PTCD2: variants seen among roughly 807,000 people sequenced by gnomAD.
The protein encoded by PTCD2 is pentatricopeptide repeat domain 2, also known as pentatricopeptide repeat-containing protein 2, mitochondrial.
A neutral mutation model predicts 42.6 loss-of-function variants in PTCD2; 31 were observed. The observed-to-expected ratio is 0.73, with a 90% CI of 0.55 to 0.98. The LOEUF (loss-of-function observed/expected upper bound fraction) is 0.98, where lower values mean the gene tolerates loss of function less well. Ranked by LOEUF, PTCD2 falls within the 50% of genes least tolerant of loss-of-function variation. PTCD2 has a pLI of 0.00. For missense variants in PTCD2, 476 were observed against 454.8 expected (o/e 1.05, Z -0.42); for synonymous variants, 183 against 170.9 (o/e 1.07, Z -0.55).
At chr5:72,333,152 A>G (rs957455787) in intron 4 of PTCD2, among the ~76,000 whole-genome samples, 2 of 152,120 alleles carry the variant, frequency 1.3e-5, no homozygotes, top group Non-Finnish European at 2.9e-5. Flanking sequence ...TAGGGGGCCC[A>G]TTGTGCCATC....
At chr5:72,341,929 C>G (rs1378566329) in intron 7 of PTCD2, among the ~76,000 whole-genome samples, 4 of 151,682 alleles carry the variant, frequency 2.6e-5, no homozygotes, top group African/African-American at 4.8e-5. Context: ...CCTGTAGTCC[C>G]AGCTACTCTG....
intron 9 of PTCD2, among the ~76,000 whole-genome samples, chr5:72,357,686 T>G (rs1752944971): frequency 6.6e-6 from 1 of 152,182 alleles, no homozygotes; most frequent in African/African-American, 2.4e-5. Flanking sequence ...GTGTGTTTCA[T>G]TATATATGAT....
rs1753220119 is a variant in PTCD2, at chr5:72,367,002, G to A, written c.*8575G>A. The A allele has an allele frequency of 6.6e-6, 1 of 152,230 alleles. No homozygotes were observed. Among genetic ancestry groups the A allele is most frequent in the African/African-American group, 2.4e-5 (1 of 41,458 alleles). 9.4% of individuals were successfully genotyped at this position (152,230 alleles called of 1,614,324 possible). Reference sequence around the variant, plus strand: ...CTTTATTAACTAAAATCACATTTGTGTGTGAAAGAAGTAAAAAGGAATTAG... The same window carrying A: ...CTTTATTAACTAAAATCACATTTGTATGTGAAAGAAGTAAAAAGGAATTAG... On this transcript the variant is annotated 3_prime_UTR_variant, in exon 10 of 10. Transcript: ENST00000380639.
chr5:72,354,382 G>GAAAA lies in PTCD2; in HGVS notation c.942+1651_942+1654dup, dbSNP rs35170727. Among the ~76,000 whole-genome samples, 17 of 29,808 alleles carry GAAAA rather than the reference G, an allele frequency of 5.7e-4. 3 individuals carry two copies. The highest frequency in any genetic ancestry group is 1.2e-3 in the African/African-American group (8 of 6,576). 19.6% of individuals were successfully genotyped at this position (29,808 alleles called of 152,430 possible). ...CTGGCGACAGAATGAGACTCCATCT[G>GAAAA]AAAAAAAAAAAAAAAAAAAAAAAAA... is the stretch of plus-strand genomic sequence containing the variant. On this transcript the variant is annotated intron_variant, in intron 9 of 9. Transcript: ENST00000380639.
rs912312898 is a variant in PTCD2 at position 72,365,675 on chromosome 5, A to G, written c.*7248A>G. 2.0e-5 allele frequency: 3 copies of G among 152,182 alleles called. No homozygotes were observed. Among genetic ancestry groups the G allele is most frequent in the African/African-American group, 7.2e-5 (3 of 41,438 alleles). 9.4% of individuals were successfully genotyped at this position (152,182 alleles called of 1,614,324 possible). On this transcript the variant is annotated 3_prime_UTR_variant, in exon 10 of 10. Transcript: ENST00000380639. ...TACTGGGTTGATGTCAGGTAGGGTG[A>G]GGAGTATGTTCCGGTTATAGCTGGT...
chr5:72,359,260 C>T lies in PTCD2; in HGVS notation c.*833C>T, dbSNP rs1288481942. On this transcript the variant is annotated 3_prime_UTR_variant, in exon 10 of 10. Transcript: ENST00000380639. Reference sequence around the variant, plus strand: ...TCTTATTTGTTAATGATTTTTCTCTCTTGAATGCCTCATATTAAAAAAAAA... The same window carrying T: ...TCTTATTTGTTAATGATTTTTCTCTTTTGAATGCCTCATATTAAAAAAAAA... 2 of 152,148 alleles carry T rather than the reference C, an allele frequency of 1.3e-5. No homozygotes were observed. Among genetic ancestry groups the T allele is most frequent in the African/African-American group, 2.4e-5 (1 of 41,434 alleles). 9.4% of individuals were successfully genotyped at this position (152,148 alleles called of 1,614,324 possible).
chr5:72,335,455 C>CAA (rs11397039), intron 5 of PTCD2: 1,971 of 121,824 alleles, frequency 0.016, 23 homozygotes, highest in Non-Finnish European at 0.018. Flanking sequence ...GACTCCGTCT[C>CAA]AAAAAAAAAA....
intron 9 of PTCD2, among the ~76,000 whole-genome samples, 171 bp downstream of exon 9, chr5:72,352,925 T>C (rs1036052192): frequency 6.6e-6 from 1 of 152,210 alleles, no homozygotes; most frequent in South Asian, 2.1e-4. Context: ...TTTTTTTTCT[T>C]CCAACAGAAT....
At position 72,358,694 on chromosome 5, in the gene PTCD2, C is replaced by T. The variant is rs1296724340; in HGVS notation, c.*267C>T. The T allele has an allele frequency of 2.1e-5, 10 of 479,276 alleles. No individual in the cohort carries two copies. Among genetic ancestry groups the T allele is most frequent in the Middle Eastern group, 5.6e-4 (1 of 1,792 alleles). The allele number at this position is 479,276 out of a possible 1,614,324, so 29.7% of individuals were successfully genotyped here. On this transcript the variant is annotated 3_prime_UTR_variant, in exon 10 of 10. Transcript: ENST00000380639. ...TCCTTGAAGGAACCTGGTCAGTCTCCGGTTCAGCTTCCGACACCAGAGTGG... is the reference window on the plus strand; with the variant it reads ...TCCTTGAAGGAACCTGGTCAGTCTCTGGTTCAGCTTCCGACACCAGAGTGG...
Position 72,358,409 on chromosome 5 carries a change from G to T in PTCD2, c.1149G>T (p.Gln383His). 6.2e-7 allele frequency: 1 copy of T among 1,612,760 alleles called. No individual in the cohort carries two copies. Among genetic ancestry groups the T allele is most frequent in the African/African-American group, 1.3e-5 (1 of 74,992 alleles). Residue 383 changes from glutamine (Q) to histidine (H), a missense_variant, in exon 10 of 10, where the codon CAG (glutamine) becomes CAT (histidine). Coordinates refer to ENST00000380639, the MANE Select transcript of PTCD2 (RefSeq NM_024754.5). ...GTCGCACCTTCCAGCCACTCAGCCA[G>T]TCCCTGTTGGCTGAGTAACCCTGGT... ...VSRRTFQPLS[Q>H]SLLAE
chr5:72,366,549 A>C lies in PTCD2; in HGVS notation c.*8122A>C, dbSNP rs571645284. The C allele has an allele frequency of 1.8e-4, 27 of 152,350 alleles. No homozygotes were observed. The highest frequency in any genetic ancestry group is 6.5e-4 in the African/African-American group (27 of 41,572). The allele number at this position is 152,350 out of a possible 1,614,324, so 9.4% of individuals were successfully genotyped here. Reference sequence around the variant, plus strand: ...TCAGTAGCAGAGCTGAAGAACTTACAATAGACGGCAGAGGGCGTCCAGAGT... The same window carrying C: ...TCAGTAGCAGAGCTGAAGAACTTACCATAGACGGCAGAGGGCGTCCAGAGT... On this transcript the variant is annotated 3_prime_UTR_variant, in exon 10 of 10. Transcript: ENST00000380639.
intron 3 of PTCD2, among the ~76,000 whole-genome samples, chr5:72,327,821 T>C (rs191762469): frequency 2.6e-5 from 4 of 152,338 alleles, no homozygotes; most frequent in Admixed American, 2.6e-4. Context: ...CCTGTATTTA[T>C]ATGTACATTT....
chr5:72,320,784 C>T (rs1280509363), intron 1 of PTCD2: 1 of 444,272 alleles, frequency 2.3e-6, no homozygotes, highest in Non-Finnish European at 4.0e-6. Context: ...AACATCCCTC[C>T]CGCCTTGGGT....
intron 4 of PTCD2, among the ~76,000 whole-genome samples, chr5:72,334,435 A>G (rs1163558497): frequency 6.6e-6 from 1 of 152,230 alleles, no homozygotes; most frequent in Non-Finnish European, 1.5e-5. Context: ...TCTCCTAAGC[A>G]TGACAAATGA....
chr5:72,332,118 T>C (rs1481551572), intron 4 of PTCD2, among the ~76,000 whole-genome samples: 1 of 152,194 alleles, frequency 6.6e-6, no homozygotes, highest in African/African-American at 2.4e-5. Flanking sequence ...ATCAGAAACA[T>C]TTGCTAAATT....
intron 7 of PTCD2, among the ~76,000 whole-genome samples, chr5:72,340,080 T>C (rs1751975506): frequency 6.6e-6 from 1 of 152,194 alleles, no homozygotes; most frequent in South Asian, 2.1e-4. Flanking sequence ...ATATATTTGA[T>C]CTTGGGTCTC....
chr5:72,326,499 C>A, intron 2 of PTCD2, 113 bp from the exon 3 acceptor site: 1 of 1,100,242 alleles, frequency 9.1e-7, no homozygotes. Context: ...CTGAACCCCT[C>A]TCAGTGCCCC....
rs1192229288 is a variant in PTCD2, at chr5:72,359,441, G to T, written c.*1014G>T. On this transcript the variant is annotated 3_prime_UTR_variant, in exon 10 of 10. Coordinates refer to ENST00000380639, the MANE Select transcript of PTCD2 (RefSeq NM_024754.5). ...TTCAGAAAGCCCAGAGGGTTGCTCA[G>T]ACCTCAGGAGCTGTCTGCCAAGATT... The T allele has an allele frequency of 6.6e-6, 1 of 152,212 alleles. No homozygotes were observed. Among genetic ancestry groups the T allele is most frequent in the Non-Finnish European group, 1.5e-5 (1 of 68,058 alleles). 9.4% of individuals were successfully genotyped at this position (152,212 alleles called of 1,614,324 possible).
At chr5:72,330,544 A>G (rs1751390556) in intron 3 of PTCD2, among the ~76,000 whole-genome samples, 1 of 152,182 alleles carries the variant, frequency 6.6e-6, no homozygotes, top group Non-Finnish European at 1.5e-5. Flanking sequence ...TTTGTCATAT[A>G]TTGTCCTCTT....
Sources: allele counts gnomAD v4.1 joint callset (sites outside exome capture counted in the v4.1 genomes callset), GRCh38; gene constraint gnomAD v4.1.1; transcripts MANE v1.5; gene names NCBI Gene and HGNC (gene_info 2026-07-23, HGNC 2026-07-21).